FOCAD: variants seen among roughly 807,000 people sequenced by gnomAD.
FOCAD encodes the protein focadhesin, also known as KIAA1797.
FOCAD carries 198 observed loss-of-function variants against 225.6 expected under a neutral mutation model. The ratio of observed to expected loss-of-function variants is 0.88; its 90% CI spans 0.78 to 0.99. The LOEUF is 0.99. FOCAD is among the 50% of genes least tolerant of loss of function. The probability of loss-of-function intolerance (pLI) is 0.00; values close to 1 mark genes in which losing one functional copy is unlikely to be tolerated. For missense variants in FOCAD, 2,713 were observed against 2,123.6 expected (o/e 1.28, Z -5.46); for synonymous variants, 897 against 755.0 (o/e 1.19, Z -3.08).
At chr9:20,682,285 A>T (rs1461304964), upstream of FOCAD, among the ~76,000 whole-genome samples, 20 of 152,216 alleles carry the variant, frequency 1.3e-4, no homozygotes, top group Admixed American at 1.3e-3. Context: ...TCAAAAGTAG[A>T]CTCAATATCA....
intron 1 of FOCAD, among the ~76,000 whole-genome samples, chr9:20,699,301 G>A (rs929918680): frequency 6.6e-6 from 1 of 152,058 alleles, no homozygotes; most frequent in Non-Finnish European, 1.5e-5. Flanking sequence ...TTGAAGATTG[G>A]CTTTATTGTA....
rs776856413 is a variant in FOCAD, at chr9:20,946,732, C to T, written c.3587C>T (p.Thr1196Ile). Reference sequence around the variant, plus strand: ...GCCTACACACTTAGCTGTGTATGTACATCAGCGTTCAGTGCTGGAATTATT... The same window carrying T: ...GCCTACACACTTAGCTGTGTATGTATATCAGCGTTCAGTGCTGGAATTATT... ...VLAYTLSCVC[T>I]SAFSAGIIEA... The change falls in exon 30 of 44, where the codon ACA (threonine) becomes ATA (isoleucine). Residue 1196 changes from threonine (T) to isoleucine (I), a missense_variant. Coordinates refer to ENST00000338382, the MANE Select transcript of FOCAD (RefSeq NM_001375567.1). 3 of 1,613,464 alleles carry T rather than the reference C, an allele frequency of 1.9e-6. No homozygotes were observed. Among genetic ancestry groups the T allele is most frequent in the Non-Finnish European group, 2.5e-6 (3 of 1,179,504 alleles).
chr9:20,797,888 A>C (rs947210989), intron 11 of FOCAD, among the ~76,000 whole-genome samples: 1 of 152,104 alleles, frequency 6.6e-6, no homozygotes, highest in Non-Finnish European at 1.5e-5. Flanking sequence ...ACTATGTCGA[A>C]TGGGAGTGGT....
chr9:20,834,112 T>C (rs1825762513), intron 15 of FOCAD, among the ~76,000 whole-genome samples: 1 of 152,092 alleles, frequency 6.6e-6, no homozygotes, highest in Non-Finnish European at 1.5e-5. Flanking sequence ...AGGAATACTG[T>C]GCAGTCATAA....
At chr9:20,736,060 A>T (rs1827135029) in intron 4 of FOCAD, among the ~76,000 whole-genome samples, 1 of 152,012 alleles carries the variant, frequency 6.6e-6, no homozygotes, top group South Asian at 2.1e-4. Context: ...AGGTGTTTGG[A>T]CTTACTGAGT....
At chr9:20,856,543 T>A (rs1828203737) in intron 15 of FOCAD, among the ~76,000 whole-genome samples, 1 of 152,062 alleles carries the variant, frequency 6.6e-6, no homozygotes, top group Non-Finnish European at 1.5e-5. Flanking sequence ...GTGGGTTGTC[T>A]CCTCGCTTTG....
At chr9:20,924,169 A>T (rs929974209) in intron 25 of FOCAD, among the ~76,000 whole-genome samples, 1 of 152,180 alleles carries the variant, frequency 6.6e-6, no homozygotes, top group African/African-American at 2.4e-5. Flanking sequence ...CAAAGTGCCT[A>T]TTCATTTTTG....
At chr9:20,716,971 G>T (rs1825391099) in intron 2 of FOCAD, among the ~76,000 whole-genome samples, 1 of 152,116 alleles carries the variant, frequency 6.6e-6, no homozygotes, top group South Asian at 2.1e-4. Context: ...TGCAATTCCT[G>T]GTCAGTTCCA....
intron 13 of FOCAD, 74 bp downstream of exon 13, chr9:20,820,499 T>C: frequency 1.5e-6 from 2 of 1,314,788 alleles, no homozygotes; most frequent in Non-Finnish European, 2.2e-6. Context: ...ATGTCATATA[T>C]GGCAATGCTT....
chr9:20,744,079 A>G (rs1827844183), intron 5 of FOCAD, among the ~76,000 whole-genome samples: 1 of 152,186 alleles, frequency 6.6e-6, no homozygotes, highest in South Asian at 2.1e-4. Flanking sequence ...GAGAAAATGT[A>G]AGAGATCATG....
At chr9:20,971,070 G>T (rs1425840106) in intron 35 of FOCAD, among the ~76,000 whole-genome samples, 1 of 152,092 alleles carries the variant, frequency 6.6e-6, no homozygotes, top group Non-Finnish European at 1.5e-5. Context: ...TGTAAAGTTT[G>T]TCTGTCTTCT....
At chr9:20,857,733 C>T (rs1262878415) in intron 15 of FOCAD, among the ~76,000 whole-genome samples, 3 of 139,490 alleles carry the variant, frequency 2.2e-5, no homozygotes, top group African/African-American at 8.1e-5. Flanking sequence ...TCTTATATGG[C>T]TTTTATTGTG....
At chr9:20,698,951 G>A (rs1319849559) in intron 1 of FOCAD, among the ~76,000 whole-genome samples, 1 of 152,184 alleles carries the variant, frequency 6.6e-6, no homozygotes, top group Non-Finnish European at 1.5e-5. Context: ...TTGGGATATA[G>A]CCAAGAAGTG....
At chr9:20,940,510 C>T (rs1836539515) in intron 28 of FOCAD, among the ~76,000 whole-genome samples, 1 of 152,030 alleles carries the variant, frequency 6.6e-6, no homozygotes, top group Admixed American at 6.6e-5. Context: ...GTGTTGAACT[C>T]CTGGCCTCGA....
intron 35 of FOCAD, among the ~76,000 whole-genome samples, chr9:20,964,838 A>C (rs1015522943): frequency 2.0e-4 from 30 of 152,252 alleles, no homozygotes; most frequent in African/African-American, 6.3e-4. Flanking sequence ...CAACATTTCA[A>C]CAAAGTGAAA....
At chr9:20,913,141 T>TACACAC (rs1408604372) in intron 23 of FOCAD, among the ~76,000 whole-genome samples, 187 bp downstream of exon 23, 24 of 100,582 alleles carry the variant, frequency 2.4e-4, no homozygotes, top group African/African-American at 8.0e-4. Context: ...TTATAAATTA[T>TACACAC]ACATACACAC....
intron 33 of FOCAD, 28 bp downstream of exon 33, chr9:20,949,703 G>T: frequency 5.2e-6 from 8 of 1,550,794 alleles, no homozygotes; most frequent in Non-Finnish European, 7.1e-6. Context: ...AAATCCTTGG[G>T]TGGAAAACAT....
chr9:20,914,035 C>CAG (rs1833666342), intron 23 of FOCAD, among the ~76,000 whole-genome samples: 1 of 150,208 alleles, frequency 6.7e-6, no homozygotes, highest in Non-Finnish European at 1.5e-5. Context: ...GAGGCCAAGG[C>CAG]AGGTGGATCA....
At chr9:20,833,449 A>G (rs917406514) in intron 15 of FOCAD, among the ~76,000 whole-genome samples, 1 of 152,132 alleles carries the variant, frequency 6.6e-6, no homozygotes, top group Admixed American at 6.6e-5. Flanking sequence ...TATTAACTAA[A>G]GATAAACATA....
Sources: gnomAD v4.1 joint callset for allele counts (sites outside exome capture counted in the v4.1 genomes callset) on GRCh38, gnomAD v4.1.1 for gene constraint, MANE v1.5 for transcripts, NCBI Gene and HGNC (gene_info 2026-07-23, HGNC 2026-07-21) for gene names.